Variants in THSD4 observed in about 807,000 individuals in gnomAD.
THSD4 encodes the protein thrombospondin type-1 domain-containing protein 4.
THSD4 carries 69 observed loss-of-function variants against 119.0 expected under a neutral mutation model. The ratio of observed to expected loss-of-function variants is 0.58; its 90% CI spans 0.48 to 0.71. The LOEUF is 0.71. Among genes scored for constraint, THSD4 ranks in the 30% least tolerant of loss-of-function variants. The pLI is 0.00. For missense variants in THSD4, 1,393 were observed against 1,391.1 expected, an observed-to-expected ratio of 1.00 and a Z score of -0.02; for synonymous variants, 524 against 540.4, an observed-to-expected ratio of 0.97 and a Z score of 0.42.
At chr15:71,702,618 A>T (rs536835760) in intron 8 of THSD4, among the ~76,000 whole-genome samples, 21 of 152,278 alleles carry the variant, frequency 1.4e-4, no homozygotes, top group Non-Finnish European at 2.9e-4. Context: ...CAACATGATT[A>T]TGTCTCTTCA....
intron 6 of THSD4, 152 bp from the exon 7 acceptor site, chr15:71,411,535 A>T: frequency 2.7e-6 from 2 of 747,316 alleles, no homozygotes; most frequent in Non-Finnish European, 4.2e-6. Flanking sequence ...ACGAAGACTT[A>T]TTGAACTGTA....
At chr15:71,682,164 T>C (rs574438298) in intron 8 of THSD4, among the ~76,000 whole-genome samples, 1 of 152,362 alleles carries the variant, frequency 6.6e-6, no homozygotes, top group African/African-American at 2.4e-5. Flanking sequence ...TCACAGACTT[T>C]ATCCCCTCTT....
At chr15:71,272,140 C>T (rs1292495105) in intron 6 of THSD4, among the ~76,000 whole-genome samples, 1 of 152,058 alleles carries the variant, frequency 6.6e-6, no homozygotes, top group Non-Finnish European at 1.5e-5. Context: ...TGGTGGCTCA[C>T]ACCTGTAATC....
At chr15:71,610,195 A>G (rs13379966) in intron 7 of THSD4, among the ~76,000 whole-genome samples, 108,348 of 152,114 alleles carry the variant, frequency 0.71, 39,125 homozygotes, top group East Asian at 0.99. Flanking sequence ...CTGATGTTTC[A>G]GAGGAAATAT....
chr15:71,570,187 A>G (rs1312687575), intron 7 of THSD4, among the ~76,000 whole-genome samples: 1 of 152,232 alleles, frequency 6.6e-6, no homozygotes, highest in African/African-American at 2.4e-5. Flanking sequence ...CAATGTAATT[A>G]TGACATAAGA....
At chr15:71,580,753 T>C (rs8041599) in intron 7 of THSD4, among the ~76,000 whole-genome samples, 22,920 of 152,188 alleles carry the variant, frequency 0.15, 2,065 homozygotes, top group Middle Eastern at 0.24. Flanking sequence ...TTTGTCTTTG[T>C]GTATCTGACT....
intron 6 of THSD4, among the ~76,000 whole-genome samples, chr15:71,406,427 C>CAATATA (rs1241807103): frequency 5.9e-5 from 9 of 152,048 alleles, no homozygotes; most frequent in African/African-American, 2.2e-4. Flanking sequence ...CTATAGATGT[C>CAATATA]TCAGTCTAAT....
At chr15:71,107,315 C>T (rs937108570) in intron 1 of THSD4, among the ~76,000 whole-genome samples, 8 of 147,934 alleles carry the variant, frequency 5.4e-5, no homozygotes, top group African/African-American at 2.0e-4. Context: ...TTTGCAATTA[C>T]CTGTTTTTAG....
At chr15:71,705,572 T>C (rs1397535260) in intron 8 of THSD4, among the ~76,000 whole-genome samples, 2 of 152,076 alleles carry the variant, frequency 1.3e-5, no homozygotes, top group African/African-American at 4.8e-5. Context: ...AGACCAACAC[T>C]CTCAGCAGCT....
chr15:71,279,546 T>C (rs1393495431), intron 6 of THSD4, among the ~76,000 whole-genome samples: 3 of 152,232 alleles, frequency 2.0e-5, no homozygotes, highest in Admixed American at 6.5e-5. Flanking sequence ...ATCAGCCTCC[T>C]TCTGCATATG....
intron 1 of THSD4, among the ~76,000 whole-genome samples, chr15:71,125,848 A>G (rs959452754): frequency 6.6e-6 from 1 of 152,208 alleles, no homozygotes; most frequent in Non-Finnish European, 1.5e-5. Context: ...TTTGCTGTGT[A>G]TGTTGGATGG....
rs540926603 is a variant in THSD4, at chr15:71,509,702, A to T, written c.1152+97879A>T. Among the ~76,000 whole-genome samples the T allele has an allele frequency of 1.4e-3, 216 of 152,302 alleles. 6 individuals carry two copies. In the South Asian group the frequency reaches 0.042, roughly 30 times the overall value. The stretch of plus-strand genomic sequence containing the variant: ...TCTTGCAGGCAGTAGGAACCATTTG[A>T]TATGAAATTAATAAAGAACCTCAAA... On this transcript the variant is annotated intron_variant, in intron 7 of 17. Coordinates refer to ENST00000261862, the MANE Select transcript of THSD4 (RefSeq NM_024817.3).
chr15:71,265,825 G>A (rs1233396975), intron 6 of THSD4, among the ~76,000 whole-genome samples: 1 of 152,190 alleles, frequency 6.6e-6, no homozygotes, highest in African/African-American at 2.4e-5. Flanking sequence ...CCCTCACAAT[G>A]TAAACAAAGC....
intron 7 of THSD4, among the ~76,000 whole-genome samples, chr15:71,624,158 A>G (rs565269060): frequency 2.6e-5 from 4 of 152,288 alleles, no homozygotes; most frequent in South Asian, 2.1e-4. Context: ...TGGAGCCACA[A>G]TGACCTTTCA....
At chr15:71,220,667 TTAGA>T (rs1466537158) in intron 4 of THSD4, among the ~76,000 whole-genome samples, 1 of 152,110 alleles carries the variant, frequency 6.6e-6, no homozygotes, top group Non-Finnish European at 1.5e-5. Flanking sequence ...AAGGCTGGTA[TTAGA>T]TAGTGTGTTA....
intron 6 of THSD4, among the ~76,000 whole-genome samples, chr15:71,376,007 C>T (rs755609335): frequency 6.6e-6 from 1 of 152,186 alleles, no homozygotes; most frequent in Non-Finnish European, 1.5e-5. Flanking sequence ...GCCCTACCTG[C>T]GACTTTGTGA....
chr15:71,203,757 A>G (rs1282595643), intron 3 of THSD4, among the ~76,000 whole-genome samples: 2 of 152,222 alleles, frequency 1.3e-5, no homozygotes, highest in East Asian at 1.9e-4. Context: ...ATCCATTTGC[A>G]GCCTCTTTCA....
At chr15:71,400,532 A>G (rs2046514432) in intron 6 of THSD4, among the ~76,000 whole-genome samples, 1 of 152,196 alleles carries the variant, frequency 6.6e-6, no homozygotes, top group African/African-American at 2.4e-5. Flanking sequence ...AACAGGAGCA[A>G]TAATACGTAG....
chr15:71,241,378 A>G (rs1013279332), intron 4 of THSD4, among the ~76,000 whole-genome samples: 1 of 152,218 alleles, frequency 6.6e-6, no homozygotes, highest in African/African-American at 2.4e-5. Flanking sequence ...TGATCCCTTC[A>G]GACAGAAGTG....
Sources: allele counts gnomAD v4.1 joint callset (sites outside exome capture counted in the v4.1 genomes callset), GRCh38; gene constraint gnomAD v4.1.1; transcripts MANE v1.5; gene names NCBI Gene and HGNC (gene_info 2026-07-23, HGNC 2026-07-21).